Variants in ZNF324B observed in about 807,000 individuals in gnomAD.
ZNF324B encodes the protein zinc finger protein 324B.
ZNF324B carries 7 observed loss-of-function variants against 10.6 expected under a neutral mutation model. The ratio of observed to expected loss-of-function variants is 0.66; its 90% CI spans 0.38 to 1.24. The LOEUF (loss-of-function observed/expected upper bound fraction) is 1.24. Ranked by LOEUF, ZNF324B falls within the 50% of genes most tolerant of loss-of-function variation. The probability of loss-of-function intolerance (pLI) is 0.02; values close to 1 mark genes in which losing one functional copy is unlikely to be tolerated. For missense variants in ZNF324B, 640 were observed against 764.7 expected (o/e 0.84, Z 1.92); for synonymous variants, 316 against 321.0 (o/e 0.98, Z 0.17).
chr19:58,427,309 T>TTC, the ZNF324B span, among the ~76,000 whole-genome samples: 1 of 73,228 alleles, frequency 1.4e-5, no homozygotes, highest in Non-Finnish European at 2.3e-5. Flanking sequence ...CTTTCTTTCT[T>TTC]TCTTTCTTTC....
intron 2 of ZNF324B, 38 bp downstream of exon 2, chr19:58,453,860 G>T: frequency 6.3e-7 from 1 of 1,598,136 alleles, no homozygotes; most frequent in South Asian, 1.1e-5. Flanking sequence ...TGCACTTGGT[G>T]ACAATCAGGA....
At chr19:58,451,107 C>T (rs1161634260), upstream of ZNF324B, among the ~76,000 whole-genome samples, 1 of 152,172 alleles carries the variant, frequency 6.6e-6, no homozygotes, top group Non-Finnish European at 1.5e-5. Context: ...GGTTGAAAAA[C>T]GGACCTTAAA....
intron 2 of ZNF324B, 70 bp downstream of exon 2, chr19:58,453,892 G>C: frequency 6.4e-7 from 1 of 1,566,276 alleles, no homozygotes. Context: ...CTTCCCTCCT[G>C]GTTGATGAGC....
upstream of ZNF324B, among the ~76,000 whole-genome samples, chr19:58,450,396 C>T (rs765237266): frequency 2.4e-4 from 35 of 145,442 alleles, no homozygotes; most frequent in Admixed American, 2.1e-3. Context: ...GCATGGGAGG[C>T]GGAGGTTGCA....
At chr19:58,446,422 G>A in the ZNF324B span, among the ~76,000 whole-genome samples, 6 of 152,058 alleles carry the variant, frequency 3.9e-5, no homozygotes, top group East Asian at 1.2e-3. Flanking sequence ...GTTGCTCAAT[G>A]TAAGTCACTC....
At chr19:58,434,082 G>C in the ZNF324B span, 12 of 1,612,000 alleles carry the variant, frequency 7.4e-6, no homozygotes, top group Non-Finnish European at 1.0e-5. Context: ...GCCGTTCTCC[G>C]GTGTGAACTT....
At chr19:58,439,662 C>CAAG in the ZNF324B span, 3 of 1,326,320 alleles carry the variant, frequency 2.3e-6, no homozygotes, top group Non-Finnish European at 2.0e-6. Context: ...AGGACACGAT[C>CAAG]AAGAGTCCCA....
At chr19:58,453,533 A>AG (rs1260271189) in intron 1 of ZNF324B, among the ~76,000 whole-genome samples, 163 bp from the exon 2 acceptor site, 1 of 151,908 alleles carries the variant, frequency 6.6e-6, no homozygotes, top group Non-Finnish European at 1.5e-5. Context: ...GGCAGAGGGG[A>AG]GGGGTCCCAG....
chr19:58,447,497 C>T (rs1050178219), upstream of ZNF324B, among the ~76,000 whole-genome samples: 1 of 152,178 alleles, frequency 6.6e-6, no homozygotes, highest in African/African-American at 2.4e-5. Flanking sequence ...AAGTAATTAA[C>T]ATTTGCCTGA....
At position 58,456,089 on chromosome 19, in the gene ZNF324B, C is replaced by T. The variant is rs369910338; in HGVS notation, c.1145C>T (p.Ser382Leu). The stretch of plus-strand genomic sequence containing the variant: ...TGTGGCCGCCGCTTCTGCCGCAACT[C>T]GCACCTGATCCAGCACGAGCGTACG... ...AQCGRRFCRN[S>L]HLIQHERTHT... Residue 382 changes from serine (S) to leucine (L), a missense_variant, in exon 4 of 4, where the codon TCG becomes TTG. Around this residue, in one of 3 missense-constraint regions of ZNF324B, gnomAD observed 238 missense variants for 258.0 expected, o/e 0.92. Transcript: ENST00000336614. The surrounding 1 kb of genome is among the most constrained non-coding windows in gnomAD (Gnocchi z 4.7). 161 of 1,612,488 alleles carry T rather than the reference C, an allele frequency of 1.0e-4. No individual in the cohort carries two copies. Among genetic ancestry groups the T allele is most frequent in the Non-Finnish European group, 1.3e-4 (153 of 1,179,924 alleles).
chr19:58,442,655 G>C, the ZNF324B span: 1 of 152,196 alleles, frequency 6.6e-6, no homozygotes, highest in African/African-American at 2.4e-5. Flanking sequence ...CATTCCTCCT[G>C]GTGGGTTCGT....
upstream of ZNF324B, among the ~76,000 whole-genome samples, chr19:58,450,442 G>A (rs576557516): frequency 1.4e-5 from 2 of 139,288 alleles, no homozygotes; most frequent in South Asian, 4.5e-4. Flanking sequence ...TCCATCCTGG[G>A]TAAGAGAGTG....
chr19:58,446,180 T>C, the ZNF324B span, among the ~76,000 whole-genome samples: 40 of 152,270 alleles, frequency 2.6e-4, no homozygotes, highest in African/African-American at 9.6e-4. Flanking sequence ...ATGAGTAGCC[T>C]TCAGCCACAG....
At chr19:58,434,113 G>A in the ZNF324B span, 1 of 1,614,020 alleles carries the variant, frequency 6.2e-7, no homozygotes, top group Non-Finnish European at 8.5e-7. Context: ...AGCAAGGTTG[G>A]AGTTATTGTT....
At chr19:58,419,810 G>T in the ZNF324B span, among the ~76,000 whole-genome samples, 22 of 152,146 alleles carry the variant, frequency 1.4e-4, no homozygotes, top group African/African-American at 4.3e-4. Context: ...TATGGATCCA[G>T]ATCTTGCGGT....
chr19:58,448,894 C>T (rs1408952086), upstream of ZNF324B, among the ~76,000 whole-genome samples: 1 of 152,176 alleles, frequency 6.6e-6, no homozygotes, highest in Admixed American at 6.5e-5. Context: ...AAGAAAAACA[C>T]ATTTTCTGTG....
the ZNF324B span, among the ~76,000 whole-genome samples, chr19:58,424,257 C>G: frequency 6.6e-6 from 1 of 151,666 alleles, no homozygotes; most frequent in East Asian, 1.9e-4. Context: ...CTCAAAAGAA[C>G]AAAATAAAAC....
chr19:58,447,503 C>G (rs1248809505), upstream of ZNF324B, among the ~76,000 whole-genome samples: 1 of 152,072 alleles, frequency 6.6e-6, no homozygotes, highest in Non-Finnish European at 1.5e-5. Context: ...TTAACATTTG[C>G]CTGAAGAATT....
the ZNF324B span, among the ~76,000 whole-genome samples, chr19:58,427,464 T>TTC: frequency 4.0e-5 from 4 of 98,994 alleles, no homozygotes; most frequent in Admixed American, 1.0e-4. Flanking sequence ...CTTCCTTCCT[T>TTC]CCTTCCTTCC....
Sources: allele counts gnomAD v4.1 joint callset (sites outside exome capture counted in the v4.1 genomes callset), GRCh38; gene constraint gnomAD v4.1.1; regional missense constraint gnomAD v4.1.1; non-coding constraint Gnocchi (gnomAD v3.1); transcripts MANE v1.5; gene names NCBI Gene and HGNC (gene_info 2026-07-23, HGNC 2026-07-21).